CEBPZOS: variants seen among roughly 807,000 people sequenced by gnomAD.
CEBPZOS encodes protein CEBPZOS.
CEBPZOS carries 10 observed loss-of-function variants against 4.8 expected under a neutral mutation model. That is an observed-to-expected ratio of 2.07 (90% CI 1.28 to 3.52). The LOEUF is 3.52. Among genes scored for constraint, CEBPZOS ranks in the 30% most tolerant of loss-of-function variants. CEBPZOS has a pLI of 0.00. For missense variants in CEBPZOS, 98 were observed against 43.6 expected, an observed-to-expected ratio of 2.25 and a Z score of -3.51; for synonymous variants, 25 against 14.2, an observed-to-expected ratio of 1.77 and a Z score of -1.72.
chr2:37,213,527 T>G (rs1370627088), exon 5 of CEBPZOS: 1 of 174,592 alleles, frequency 5.7e-6, no homozygotes, highest in Non-Finnish European at 1.2e-5. Flanking sequence ...TTCTCGTGCC[T>G]CTGCTTCTCG....
downstream of CEBPZOS, among the ~76,000 whole-genome samples, chr2:37,205,084 G>A (rs2540972): frequency 0.74 from 112,223 of 152,120 alleles, 42,308 homozygotes; most frequent in East Asian, 0.97. Flanking sequence ...GGAAGATAAC[G>A]TGTTATAATT....
intron 4 of CEBPZOS, chr2:37,211,560 A>G: frequency 3.0e-6 from 1 of 333,114 alleles, no homozygotes; most frequent in Non-Finnish European, 5.4e-6. Flanking sequence ...TTACTATCAA[A>G]AAATGGCAGC....
Position 37,210,891 on chromosome 2 carries a change from C to T in CEBPZOS, c.*3-2546C>T, listed in dbSNP as rs531007625. 24 of 576,032 alleles carry T rather than the reference C, an allele frequency of 4.2e-5. No homozygotes were observed. In the East Asian group the frequency reaches 6.0e-4, roughly 14 times the overall value. 35.7% of individuals were successfully genotyped at this position (576,032 alleles called of 1,614,324 possible). A position where few individuals can be genotyped will look rare whatever the true frequency, so the allele number is the denominator to read the frequency against. On this transcript the variant is annotated intron_variant, in intron 4 of 4. Coordinates refer to the CEBPZOS transcript ENST00000397064. ...CATCTTTCTTAAAAAGAACCCCCCCCACCCCTGAATTTTATTAATCAAATT... is the reference window on the plus strand; with the variant it reads ...CATCTTTCTTAAAAAGAACCCCCCCTACCCCTGAATTTTATTAATCAAATT...
downstream of CEBPZOS, chr2:37,209,720 T>C (rs529599057): frequency 8.5e-5 from 13 of 152,298 alleles, no homozygotes; most frequent in African/African-American, 2.9e-4. Flanking sequence ...CTTCTAGACA[T>C]TGGCTTAAGT....
At chr2:37,209,127 A>G (rs559668757), downstream of CEBPZOS, 2 of 152,096 alleles carry the variant, frequency 1.3e-5, no homozygotes, top group African/African-American at 4.8e-5. Flanking sequence ...ACTACAAAAC[A>G]CTGCTGAAAG....
rs147728536 is a variant in CEBPZOS at position 37,202,816 on chromosome 2, C to G, written c.*956C>G. 5.6e-6 allele frequency: 9 copies of G among 1,597,798 alleles called. No individual in the cohort carries two copies. The highest frequency in any genetic ancestry group is 7.7e-6 in the Non-Finnish European group (9 of 1,172,680). ...ATCTTTGTTAGCCATGGCATTCATG[C>G]CAATGTTATCAAACTTGGATCCCAT... On this transcript the variant is annotated 3_prime_UTR_variant, in exon 5 of 5. Transcript: ENST00000402297.
downstream of CEBPZOS, chr2:37,216,103 G>T (rs772524009): frequency 2.1e-6 from 3 of 1,435,752 alleles, no homozygotes. Context: ...GTCTTATATT[G>T]TCTTTTCAGT....
downstream of CEBPZOS, among the ~76,000 whole-genome samples, chr2:37,207,249 A>G (rs577231147): frequency 1.3e-5 from 2 of 152,378 alleles, no homozygotes; most frequent in East Asian, 3.9e-4. Context: ...GGTCATCAAG[A>G]CAGAAAGTCA....
In CEBPZOS at chr2:37,199,770, A is replaced by G. The variant is rs1226180940; in HGVS notation, c.66A>G (p.Val22=). The change falls in exon 2 of 5, where the codon GTA becomes GTG. Residue 22 remains valine, a synonymous_variant. Coordinates refer to ENST00000402297, the MANE Select transcript of CEBPZOS (RefSeq NM_001322374.2). ...IFKGVLVAEL[V]GVFGAYFLFS... is the part of the protein sequence containing the mutation. ...AAGGAGTTTTGGTAGCCGAACTTGT[A>G]GGCGTTTTTGGAGCATATTTTTTGT... 1 of 717,634 alleles carries G rather than the reference A, an allele frequency of 1.4e-6. No homozygotes were observed. The highest frequency in any genetic ancestry group is 2.6e-6 in the Non-Finnish European group (1 of 385,102). 44.5% of individuals were successfully genotyped at this position (717,634 alleles called of 1,614,324 possible).
At chr2:37,196,660 T>C (rs754640829) in intron 1 of CEBPZOS, 140 bp downstream of exon 1, 1 of 152,358 alleles carries the variant, frequency 6.6e-6, no homozygotes. Context: ...ACTGCCTTAA[T>C]TCACTGGAGG....
At chr2:37,204,876 C>G (rs535686208), downstream of CEBPZOS, 1 of 152,286 alleles carries the variant, frequency 6.6e-6, no homozygotes, top group South Asian at 2.1e-4. Context: ...GAAACAAGCT[C>G]AGAGCATCTT....
At position 37,212,501 on chromosome 2, in the gene CEBPZOS, T is replaced by G; in HGVS notation, c.*3-936T>G. ...TCATGATTCTGCTGTTTATGACAAGTGAACACCAAAACAATGTAAATGTTA... is the reference window on the plus strand; with the variant it reads ...TCATGATTCTGCTGTTTATGACAAGGGAACACCAAAACAATGTAAATGTTA... On this transcript the variant is annotated intron_variant, in intron 4 of 4. Transcript: ENST00000397064. The G allele has an allele frequency of 1.9e-5, 17 of 902,818 alleles. No homozygotes were observed. The South Asian group carries it at 2.5e-4, about 13-fold the overall frequency. The allele number at this position is 902,818 out of a possible 1,614,324, so 55.9% of individuals were successfully genotyped here.
Position 37,198,442 on chromosome 2 carries a change from TCAG to T in CEBPZOS, c.-1-1258_-1-1256del, listed in dbSNP as rs1470500725. ...GTGGGGAGGGCCACCTGGTAAGATA[TCAG>T]CAGAATAATCCTACAAAAGGAAGGT... On this transcript the variant is annotated intron_variant, in intron 1 of 4. Transcript: ENST00000402297. 2.0e-5 allele frequency: 3 copies of T among 152,286 alleles called. No homozygotes were observed. In the South Asian group the frequency reaches 6.2e-4, roughly 32 times the overall value. 9.4% of individuals were successfully genotyped at this position (152,286 alleles called of 1,614,324 possible).
At chr2:37,200,714 T>C (rs997485635) in intron 2 of CEBPZOS, among the ~76,000 whole-genome samples, 6 of 150,350 alleles carry the variant, frequency 4.0e-5, no homozygotes, top group Admixed American at 1.3e-4. Flanking sequence ...TCCCAGCTAC[T>C]CGGGAGGTTG....
At chr2:37,199,611 A>C (rs930274030) in intron 1 of CEBPZOS, 93 bp from the exon 2 acceptor site, 1 of 655,778 alleles carries the variant, frequency 1.5e-6, no homozygotes, top group African/African-American at 1.8e-5. Context: ...GAAGCCATTC[A>C]AACTGTGGGA....
At chr2:37,200,234 C>G (rs538524908) in intron 2 of CEBPZOS, among the ~76,000 whole-genome samples, 7 of 152,212 alleles carry the variant, frequency 4.6e-5, no homozygotes, top group Admixed American at 2.0e-4. Context: ...TGGGCATCAA[C>G]AGTGGGCACT....
downstream of CEBPZOS, among the ~76,000 whole-genome samples, chr2:37,206,517 C>T (rs1254041297): frequency 2.0e-5 from 3 of 152,126 alleles, no homozygotes; most frequent in Non-Finnish European, 1.5e-5. Flanking sequence ...ACCAACATGC[C>T]CAGCTAATTT....
At chr2:37,213,712 C>A in exon 5 of CEBPZOS, 1 of 570,198 alleles carries the variant, frequency 1.8e-6, no homozygotes, top group Non-Finnish European at 3.0e-6. Flanking sequence ...CAGCGCCTGG[C>A]CCCAAATATT....
chr2:37,216,051 C>A, downstream of CEBPZOS: 2 of 973,646 alleles, frequency 2.1e-6, no homozygotes, highest in African/African-American at 1.7e-5. Context: ...AGGTTTTATT[C>A]TGATAAATTA....
Sources: gnomAD v4.1 joint callset for allele counts (sites outside exome capture counted in the v4.1 genomes callset) on GRCh38, gnomAD v4.1.1 for gene constraint, MANE v1.5 for transcripts, NCBI Gene and HGNC (gene_info 2026-07-23, HGNC 2026-07-21) for gene names.